LEF1: variants seen among roughly 807,000 people sequenced by gnomAD.
LEF1 encodes lymphoid enhancer binding factor 1.
In LEF1, 14 loss-of-function variants were observed where a neutral mutation model predicts 51.2. That is an observed-to-expected ratio of 0.27 (90% confidence interval 0.18 to 0.43). LEF1 has a LOEUF of 0.43. Ranked by LOEUF, LEF1 falls within the 20% of genes least tolerant of loss-of-function variation. The probability of loss-of-function intolerance (pLI) is 1.00; values close to 1 mark genes in which losing one functional copy is unlikely to be tolerated. For synonymous variants in LEF1, 185 were observed against 183.2 expected (o/e 1.01, Z -0.08); for missense variants, 386 against 512.0 (o/e 0.75, Z 2.37).
chr4:108,055,134 A>G (rs1300552562), intron 11 of LEF1, among the ~76,000 whole-genome samples: 2 of 152,000 alleles, frequency 1.3e-5, no homozygotes, highest in Non-Finnish European at 1.5e-5. Context: ...CCCAAATCAG[A>G]CCCCATTTAC....
At chr4:108,059,122 T>G (rs1737504090) in intron 11 of LEF1, among the ~76,000 whole-genome samples, 1 of 152,234 alleles carries the variant, frequency 6.6e-6, no homozygotes, top group Admixed American at 6.5e-5. Flanking sequence ...GGTAATTTAT[T>G]TGTTTCAATC....
At chr4:108,084,259 G>C (rs1054471084) in intron 4 of LEF1, among the ~76,000 whole-genome samples, 29 of 152,104 alleles carry the variant, frequency 1.9e-4, no homozygotes, top group Non-Finnish European at 4.1e-4. Context: ...TAACAACTTA[G>C]ATTCAATGTG....
At chr4:108,102,378 TC>T (rs1462906664) in intron 3 of LEF1, among the ~76,000 whole-genome samples, 2 of 152,284 alleles carry the variant, frequency 1.3e-5, no homozygotes, top group African/African-American at 2.4e-5. Flanking sequence ...GACGTGGTCA[TC>T]CTGCCAAAAT....
At position 108,099,594 on chromosome 4, in the gene LEF1, A is replaced by ATGTGTG. The variant is rs1256316074; in HGVS notation, c.415-10338_415-10337insCACACA. Among the ~76,000 whole-genome samples the ATGTGTG allele has an allele frequency of 5.5e-5, 7 of 127,570 alleles. No individual in the cohort carries two copies. The South Asian group carries it at 1.1e-3, about 19-fold the overall frequency. 83.7% of individuals were successfully genotyped at this position (127,570 alleles called of 152,430 possible). ...TGTATATATATATATATATATATAT[A>ATGTGTG]TATATATATATATATATATATATAA... On this transcript the variant is annotated intron_variant, in intron 3 of 11. Coordinates refer to ENST00000265165, the MANE Select transcript of LEF1 (RefSeq NM_016269.5).
rs1188339183 is a variant in LEF1, at chr4:108,054,620, C to T, written c.*7-5869G>A. 5.3e-5 allele frequency among the ~76,000 whole-genome samples: 8 copies of T among 152,146 alleles called. No homozygotes were observed. The East Asian group carries it at 5.8e-4, about 11-fold the overall frequency. On this transcript the variant is annotated intron_variant, in intron 11 of 11. Coordinates refer to ENST00000265165, the MANE Select transcript of LEF1 (RefSeq NM_016269.5). ...CTGTTCCAACTTCACACGACACATT[C>T]GGGGCAGCAAGCAAGATTCATACTA...
intron 11 of LEF1, among the ~76,000 whole-genome samples, chr4:108,049,047 A>C (rs1326507217): frequency 1.3e-5 from 2 of 152,210 alleles, no homozygotes; most frequent in Non-Finnish European, 2.9e-5. Flanking sequence ...AAAGTTTGAA[A>C]AACACCAGTA....
chr4:108,099,551 T>C (rs1224633191), intron 3 of LEF1, among the ~76,000 whole-genome samples: 4 of 36,368 alleles, frequency 1.1e-4, no homozygotes, highest in African/African-American at 3.9e-4. Context: ...TATGTGTGTG[T>C]GTGTATGTGT....
chr4:108,106,086 G>A (rs573548066), intron 3 of LEF1, among the ~76,000 whole-genome samples: 53 of 152,256 alleles, frequency 3.5e-4, no homozygotes, highest in African/African-American at 1.2e-3. Flanking sequence ...AATGCTCAGA[G>A]GTGAGCCCAG....
intron 3 of LEF1, among the ~76,000 whole-genome samples, chr4:108,125,282 G>A (rs1285911801): frequency 3.9e-5 from 6 of 152,144 alleles, no homozygotes. Flanking sequence ...TCCTGCCTCA[G>A]CATCCTGAGT....
intron 8 of LEF1, among the ~76,000 whole-genome samples, chr4:108,073,247 T>C (rs1738612477): frequency 6.6e-6 from 1 of 152,148 alleles, no homozygotes; most frequent in Admixed American, 6.5e-5. Flanking sequence ...TAGCCAGGCG[T>C]AGCAGTGCAT....
chr4:108,089,554 A>G (rs1739871792), intron 3 of LEF1, among the ~76,000 whole-genome samples: 1 of 152,182 alleles, frequency 6.6e-6, no homozygotes, highest in African/African-American at 2.4e-5. Context: ...ATTTCTGTAC[A>G]TATATATTTA....
intron 3 of LEF1, among the ~76,000 whole-genome samples, chr4:108,110,391 C>T (rs540483344): frequency 2.0e-5 from 3 of 152,284 alleles, no homozygotes; most frequent in East Asian, 1.9e-4. Context: ...CCTTACTACG[C>T]CCCTAGTGAA....
chr4:108,079,764 C>T (rs888700274), intron 6 of LEF1, 150 bp from the exon 7 acceptor site: 16 of 633,516 alleles, frequency 2.5e-5, no homozygotes, highest in South Asian at 2.3e-4. Context: ...TAGAGTGGGC[C>T]GATAATTATT....
intron 11 of LEF1, among the ~76,000 whole-genome samples, chr4:108,056,463 C>T (rs1737307704): frequency 6.6e-6 from 1 of 152,216 alleles, no homozygotes; most frequent in South Asian, 2.1e-4. Context: ...CAAAAGGCTC[C>T]CATGAATGCA....
intron 3 of LEF1, among the ~76,000 whole-genome samples, chr4:108,094,608 G>T (rs547940168): frequency 2.0e-5 from 3 of 152,212 alleles, no homozygotes; most frequent in Admixed American, 6.5e-5. Context: ...GTAACTGGGG[G>T]AGAAACCTGC....
chr4:108,150,741 C>A (rs1278115747), intron 3 of LEF1, among the ~76,000 whole-genome samples: 2 of 152,150 alleles, frequency 1.3e-5, no homozygotes, highest in African/African-American at 4.8e-5. Flanking sequence ...CAAGTAACTT[C>A]TCTGTGCCTC....
chr4:108,100,866 A>C (rs1056071595), intron 3 of LEF1, among the ~76,000 whole-genome samples: 8 of 152,186 alleles, frequency 5.3e-5, no homozygotes, highest in Non-Finnish European at 1.0e-4. Context: ...ACTCTTATTT[A>C]TTTCTTTGAC....
chr4:108,121,296 T>C (rs1578367509), intron 3 of LEF1, among the ~76,000 whole-genome samples: 1 of 152,214 alleles, frequency 6.6e-6, no homozygotes, highest in Non-Finnish European at 1.5e-5. Flanking sequence ...TTCATACAAG[T>C]GCAAATGTCT....
At chr4:108,082,987 G>T (rs550130193) in intron 5 of LEF1, among the ~76,000 whole-genome samples, 24 of 152,060 alleles carry the variant, frequency 1.6e-4, no homozygotes, top group Non-Finnish European at 3.2e-4. Flanking sequence ...TATTCAATGC[G>T]TCTAAATTCA....
Sources: allele counts gnomAD v4.1 joint callset (sites outside exome capture counted in the v4.1 genomes callset), GRCh38; gene constraint gnomAD v4.1.1; transcripts MANE v1.5; gene names NCBI Gene and HGNC (gene_info 2026-07-23, HGNC 2026-07-21).